CC2D2B: variants seen among roughly 807,000 people sequenced by gnomAD.
The protein encoded by CC2D2B is coiled-coil and C2 domain containing 2B.
A neutral mutation model predicts 161.2 loss-of-function variants in CC2D2B; 128 were observed. The observed-to-expected ratio is 0.79, with a 90% CI of 0.69 to 0.92. CC2D2B has a LOEUF of 0.92. Among genes scored for constraint, CC2D2B ranks in the 40% least tolerant of loss-of-function variants. The probability of loss-of-function intolerance (pLI) is 0.00; values close to 1 mark genes in which losing one functional copy is unlikely to be tolerated. For synonymous variants in CC2D2B, 391 were observed against 449.8 expected (o/e 0.87, Z 1.65); for missense variants, 1,173 against 1,375.1 (o/e 0.85, Z 2.32).
chr10:95,917,710 T>C (rs1016362176), intron 2 of CC2D2B, among the ~76,000 whole-genome samples: 3 of 152,200 alleles, frequency 2.0e-5, no homozygotes, highest in African/African-American at 7.2e-5. Context: ...TTATCCCCCC[T>C]GCTTTTTAAC....
chr10:95,984,299 T>C (rs2077633768), intron 19 of CC2D2B, among the ~76,000 whole-genome samples: 1 of 152,186 alleles, frequency 6.6e-6, no homozygotes, highest in African/African-American at 2.4e-5. Context: ...TAGCTTTTCA[T>C]ATTAGTTGCT....
At chr10:95,988,506 T>G (rs901774768) in intron 20 of CC2D2B, among the ~76,000 whole-genome samples, 164 bp downstream of exon 20, 2 of 152,218 alleles carry the variant, frequency 1.3e-5, no homozygotes, top group Admixed American at 1.3e-4. Flanking sequence ...AGACCTCTTT[T>G]TGAGAGTTAG....
At chr10:95,970,902 G>GA (rs1272880453) in intron 15 of CC2D2B, among the ~76,000 whole-genome samples, 2 of 152,092 alleles carry the variant, frequency 1.3e-5, no homozygotes, top group Non-Finnish European at 2.9e-5. Flanking sequence ...CAGATAACTA[G>GA]AAAAAATATG....
chr10:95,957,586 A>T (rs1171470568), intron 11 of CC2D2B, among the ~76,000 whole-genome samples: 7 of 118,408 alleles, frequency 5.9e-5, no homozygotes, highest in African/African-American at 2.0e-4. Flanking sequence ...TTTGAGACAG[A>T]GTCTTGCTCT....
At chr10:95,985,803 G>C (rs1483436596) in intron 19 of CC2D2B, among the ~76,000 whole-genome samples, 1 of 152,192 alleles carries the variant, frequency 6.6e-6, no homozygotes, top group Non-Finnish European at 1.5e-5. Context: ...GAACAGCCCT[G>C]AGAAAGAGAA....
chr10:96,012,497 A>G (rs1458539701), intron 27 of CC2D2B, 35 bp from the exon 28 acceptor site: 1 of 1,424,158 alleles, frequency 7.0e-7, no homozygotes, highest in Non-Finnish European at 9.9e-7. Context: ...AGAACAATAC[A>G]GTACAATTCT....
intron 14 of CC2D2B, among the ~76,000 whole-genome samples, chr10:95,966,538 C>T (rs1346419850): frequency 2.0e-5 from 3 of 152,032 alleles, no homozygotes; most frequent in African/African-American, 7.2e-5. Flanking sequence ...ACATCTAATA[C>T]ATGCCTGAGG....
At chr10:96,019,971 A>C in intron 32 of CC2D2B, 147 bp downstream of exon 32, 1 of 658,276 alleles carries the variant, frequency 1.5e-6, no homozygotes, top group Non-Finnish European at 2.4e-6. Context: ...TTTCTCTGCC[A>C]TCCAGCTCAC....
chr10:95,908,585 A>G (rs1020033104), intron 1 of CC2D2B, among the ~76,000 whole-genome samples: 1 of 152,138 alleles, frequency 6.6e-6, no homozygotes, highest in Non-Finnish European at 1.5e-5. Context: ...CAAGAACTCC[A>G]TCCAGCTATA....
intron 6 of CC2D2B, among the ~76,000 whole-genome samples, chr10:95,932,060 C>A (rs1489856764): frequency 6.6e-6 from 1 of 151,786 alleles, no homozygotes; most frequent in Admixed American, 6.6e-5. Flanking sequence ...ATCTGGGTGC[C>A]CCAGTGTTGG....
intron 17 of CC2D2B, among the ~76,000 whole-genome samples, chr10:95,980,816 G>A (rs575545903): frequency 8.3e-4 from 126 of 152,278 alleles, no homozygotes; most frequent in Non-Finnish European, 1.5e-3. Flanking sequence ...TGTTGAATCC[G>A]TGTCAGAACT....
At chr10:95,938,259 A>G in intron 7 of CC2D2B, 70 bp downstream of exon 7, 1 of 976,988 alleles carries the variant, frequency 1.0e-6, no homozygotes, top group Non-Finnish European at 1.5e-6. Context: ...GCTTTATTGT[A>G]TGCTGGATAA....
chr10:95,958,230 G>A (rs1009737700), intron 11 of CC2D2B, among the ~76,000 whole-genome samples: 42 of 152,154 alleles, frequency 2.8e-4, no homozygotes, highest in African/African-American at 9.9e-4. Flanking sequence ...TTGGCTCCAA[G>A]CCTGTAATCC....
chr10:96,020,980 A>G (rs1000257252), intron 32 of CC2D2B: 3 of 152,258 alleles, frequency 2.0e-5, no homozygotes, highest in Admixed American at 6.5e-5. Flanking sequence ...TTGAGGTTAC[A>G]GTGAGCTATG....
chr10:96,010,562 AGTG>A (rs2078944512), intron 26 of CC2D2B, among the ~76,000 whole-genome samples: 6 of 152,300 alleles, frequency 3.9e-5, no homozygotes, highest in African/African-American at 1.4e-4. Flanking sequence ...ATAATGCTGT[AGTG>A]CTTTAATAGA....
At chr10:95,993,900 ATGTGTGTGTGTGTGTGTG>A (rs1270650458) in intron 22 of CC2D2B, among the ~76,000 whole-genome samples, 1 of 40,080 alleles carries the variant, frequency 2.5e-5, no homozygotes, top group African/African-American at 7.4e-5. Context: ...GAGAGAGAGA[ATGTGTGTGTGTGTGTGTG>A]TGTGTGTGTG....
chr10:95,998,078 GT>G (rs918049056), intron 24 of CC2D2B, among the ~76,000 whole-genome samples: 40 of 149,802 alleles, frequency 2.7e-4, no homozygotes, highest in East Asian at 2.1e-3. Flanking sequence ...TAAAGAGGCA[GT>G]TTTTTTTTCA....
intron 33 of CC2D2B, among the ~76,000 whole-genome samples, chr10:96,026,854 G>A (rs1590943393): frequency 6.6e-6 from 1 of 152,204 alleles, no homozygotes; most frequent in African/African-American, 2.4e-5. Flanking sequence ...TGGGCACGGT[G>A]GCTTACACCT....
intron 26 of CC2D2B, among the ~76,000 whole-genome samples, chr10:96,010,936 A>AAT (rs1368211155): frequency 2.0e-5 from 3 of 152,316 alleles, no homozygotes; most frequent in African/African-American, 7.2e-5. Flanking sequence ...TCATTTAAAA[A>AAT]ATATATACAA....
Sources: gnomAD v4.1 joint callset for allele counts (sites outside exome capture counted in the v4.1 genomes callset) on GRCh38, gnomAD v4.1.1 for gene constraint, MANE v1.5 for transcripts, NCBI Gene and HGNC (gene_info 2026-07-23, HGNC 2026-07-21) for gene names.